The following AMD1 variants were observed in gnomAD, a reference collection of about 807,000 sequenced individuals.
AMD1 encodes S-adenosylmethionine decarboxylase proenzyme.
In AMD1, 11 loss-of-function variants were observed where a neutral mutation model predicts 40.2. That is an observed-to-expected ratio of 0.27 (90% CI 0.17 to 0.45). The LOEUF (loss-of-function observed/expected upper bound fraction) is 0.45, where lower values mean the gene tolerates loss of function less well. Among genes scored for constraint, AMD1 ranks in the 20% least tolerant of loss-of-function variants. The pLI is 1.00. For synonymous variants in AMD1, 121 were observed against 130.8 expected (o/e 0.93, Z 0.51); for missense variants, 257 against 410.2 (o/e 0.63, Z 3.23).
the AMD1 span, among the ~76,000 whole-genome samples, chr6:110,852,804 T>C: frequency 6.6e-6 from 1 of 152,204 alleles, no homozygotes; most frequent in African/African-American, 2.4e-5. Flanking sequence ...TTATAGGTAG[T>C]CAATGAATAT....
chr6:110,852,605 A>C, the AMD1 span, among the ~76,000 whole-genome samples: 16 of 152,144 alleles, frequency 1.1e-4, no homozygotes, highest in African/African-American at 3.4e-4. Flanking sequence ...TCAGTTTTGG[A>C]ACCCATAGTC....
the AMD1 span, chr6:110,856,414 T>C: frequency 6.6e-6 from 1 of 152,318 alleles, no homozygotes; most frequent in East Asian, 1.9e-4. Flanking sequence ...AAGAATTGGA[T>C]TGGTGCTCGT....
In AMD1 at chr6:110,894,234, G is replaced by A. The variant is rs1786187011; in HGVS notation, c.*618G>A. On this transcript the variant is annotated 3_prime_UTR_variant, in exon 9 of 9. Coordinates refer to ENST00000368885, the MANE Select transcript of AMD1 (RefSeq NM_001634.6). ...CATATTTGCTATTTTAACATTATTG[G>A]ACCCTGCATTTATAGTCCTTTGATT... is the stretch of plus-strand genomic sequence containing the variant. The A allele has an allele frequency of 1.3e-5, 2 of 152,776 alleles. No homozygotes were observed. 9.5% of individuals were successfully genotyped at this position (152,776 alleles called of 1,614,324 possible).
the AMD1 span, among the ~76,000 whole-genome samples, chr6:110,845,765 C>T: frequency 1.4e-4 from 22 of 152,326 alleles, no homozygotes; most frequent in Admixed American, 1.3e-3. Flanking sequence ...TGCTCCTCAG[C>T]TTGCAGACAG....
Position 110,875,147 on chromosome 6 carries a change from G to T in AMD1, c.42G>T (p.Leu14=). Residue 14 remains leucine (L), a synonymous_variant, in exon 1 of 9, where the codon CTG becomes CTT. Coordinates refer to ENST00000368885, the MANE Select transcript of AMD1 (RefSeq NM_001634.6). ...AHFFEGTEKL[L]EVWFSRQQPD... is the part of the protein sequence containing the mutation. ...TTTTCGAAGGGACCGAGAAGCTGCTGGAGGTTTGGTTCTCCCGGCAGCAGC... is the reference window on the plus strand; with the variant it reads ...TTTTCGAAGGGACCGAGAAGCTGCTTGAGGTTTGGTTCTCCCGGCAGCAGC... 6.2e-7 allele frequency: 1 copy of T among 1,613,610 alleles called. No homozygotes were observed. Among genetic ancestry groups the T allele is most frequent in the South Asian group, 1.1e-5 (1 of 90,978 alleles).
At chr6:110,893,170 C>A in intron 8 of AMD1, 105 bp downstream of exon 8, 1 of 1,045,922 alleles carries the variant, frequency 9.6e-7, no homozygotes, top group Non-Finnish European at 1.4e-6. Context: ...CATATACCAG[C>A]CACTCAGATA....
intron 1 of AMD1, among the ~76,000 whole-genome samples, chr6:110,881,414 T>C (rs1162201401): frequency 1.3e-5 from 2 of 152,152 alleles, no homozygotes; most frequent in African/African-American, 4.8e-5. Flanking sequence ...TGAGAACCAC[T>C]GAGTTAGATC....
the AMD1 span, among the ~76,000 whole-genome samples, chr6:110,847,241 A>G: frequency 1.3e-5 from 2 of 151,962 alleles, no homozygotes; most frequent in Admixed American, 1.3e-4. Context: ...TCTTCTTTCT[A>G]AAGACCGGGC....
At chr6:110,861,570 G>A in the AMD1 span, among the ~76,000 whole-genome samples, 2 of 151,546 alleles carry the variant, frequency 1.3e-5, no homozygotes, top group Admixed American at 6.6e-5. Context: ...GGCCAGGCAC[G>A]GTGGCTCATG....
chr6:110,863,038 G>A, the AMD1 span, among the ~76,000 whole-genome samples: 8 of 151,962 alleles, frequency 5.3e-5, no homozygotes, highest in Middle Eastern at 3.4e-3. Context: ...TCTGCCTCCC[G>A]TGTTCACGCC....
At chr6:110,880,588 T>G (rs1241018558) in intron 1 of AMD1, among the ~76,000 whole-genome samples, 2 of 152,232 alleles carry the variant, frequency 1.3e-5, no homozygotes, top group African/African-American at 4.8e-5. Flanking sequence ...GACATCCATT[T>G]TTTCCCAGCA....
the AMD1 span, among the ~76,000 whole-genome samples, chr6:110,853,193 G>A: frequency 1.1e-3 from 167 of 151,714 alleles, no homozygotes; most frequent in African/African-American, 3.8e-3. Flanking sequence ...TGTCATCTTG[G>A]CTCCCTGCAA....
chr6:110,895,398 T>C lies in AMD1; in HGVS notation c.*1782T>C, dbSNP rs1786246170. On this transcript the variant is annotated 3_prime_UTR_variant, in exon 9 of 9. Transcript: ENST00000368885. ...GACCAATGCTTAAGGTGGACTTTGTTCGTAAACAATATCCCAATAGATTTG... is the reference window on the plus strand; with the variant it reads ...GACCAATGCTTAAGGTGGACTTTGTCCGTAAACAATATCCCAATAGATTTG... The C allele has an allele frequency of 6.6e-6, 1 of 152,282 alleles. No homozygotes were observed. Among genetic ancestry groups the C allele is most frequent in the African/African-American group, 2.4e-5 (1 of 41,476 alleles). The allele number at this position is 152,282 out of a possible 1,614,324, so 9.4% of individuals were successfully genotyped here. A position where few individuals can be genotyped will look rare whatever the true frequency, so the allele number is the denominator to read the frequency against.
At chr6:110,823,414 T>C in the AMD1 span, among the ~76,000 whole-genome samples, 3 of 152,162 alleles carry the variant, frequency 2.0e-5, no homozygotes, top group Non-Finnish European at 4.4e-5. Context: ...GGCATCCGAA[T>C]TGGAAAAGAG....
chr6:110,845,226 A>T, the AMD1 span, among the ~76,000 whole-genome samples: 1 of 151,776 alleles, frequency 6.6e-6, no homozygotes, highest in Non-Finnish European at 1.5e-5. Flanking sequence ...TTTAGTAGAG[A>T]CGGGGTTTCA....
the AMD1 span, among the ~76,000 whole-genome samples, chr6:110,865,849 A>G: frequency 6.6e-6 from 1 of 151,346 alleles, no homozygotes; most frequent in African/African-American, 2.4e-5. Flanking sequence ...TGCAACCTCT[A>G]CCTCCTGGGT....
chr6:110,843,451 T>A, the AMD1 span, among the ~76,000 whole-genome samples: 1 of 131,546 alleles, frequency 7.6e-6, no homozygotes, highest in African/African-American at 2.9e-5. Context: ...GCGATAAGAG[T>A]GAAACTCCAT....
At chr6:110,829,148 C>A in the AMD1 span, among the ~76,000 whole-genome samples, 1 of 151,734 alleles carries the variant, frequency 6.6e-6, no homozygotes, top group Admixed American at 6.6e-5. Flanking sequence ...CCAGCCTGGG[C>A]GACAAGAACA....
the AMD1 span, among the ~76,000 whole-genome samples, chr6:110,834,264 C>T: frequency 1.3e-5 from 2 of 152,008 alleles, no homozygotes; most frequent in African/African-American, 2.4e-5. Flanking sequence ...GCTTGTGCCC[C>T]GGAGTCCCAG....
Sources: allele counts gnomAD v4.1 joint callset (sites outside exome capture counted in the v4.1 genomes callset), GRCh38; gene constraint gnomAD v4.1.1; transcripts MANE v1.5; gene names NCBI Gene and HGNC (gene_info 2026-07-23, HGNC 2026-07-21).